NPFFR2: variants seen among roughly 807,000 people sequenced by gnomAD.
NPFFR2 encodes neuropeptide FF receptor 2, also known as G-protein coupled receptor 74.
A neutral mutation model predicts 13.1 loss-of-function variants in NPFFR2; 15 were observed. The ratio of observed to expected loss-of-function variants is 1.15; its 90% CI spans 0.77 to 1.76. NPFFR2 has a LOEUF of 1.76. Ranked by LOEUF, NPFFR2 falls within the 40% of genes most tolerant of loss-of-function variation. The pLI is 0.00. For synonymous variants in NPFFR2, 190 were observed against 175.7 expected, an observed-to-expected ratio of 1.08 and a Z score of -0.65; for missense variants, 572 against 503.5, an observed-to-expected ratio of 1.14 and a Z score of -1.30.
rs1313441277 is a variant in NPFFR2, at chr4:72,148,137, G to A, written c.*325G>A. The A allele has an allele frequency of 5.0e-6, 1 of 201,046 alleles. No individual in the cohort carries two copies. Among genetic ancestry groups the A allele is most frequent in the Non-Finnish European group, 9.9e-6 (1 of 101,016 alleles). 12.5% of individuals were successfully genotyped at this position (201,046 alleles called of 1,614,324 possible). A position where few individuals can be genotyped will look rare whatever the true frequency, so the allele number is the denominator to read the frequency against. ...AGCCTGCACGCGTGCGTGCATGTGT[G>A]TGTGTATTTTCCCCAAATGGTGATG... On this transcript the variant is annotated 3_prime_UTR_variant, in exon 4 of 4. Coordinates refer to ENST00000308744, the MANE Select transcript of NPFFR2 (RefSeq NM_004885.3).
At chr4:72,090,755 C>T (rs1720895565) in intron 1 of NPFFR2, among the ~76,000 whole-genome samples, 1 of 151,950 alleles carries the variant, frequency 6.6e-6, no homozygotes, top group Non-Finnish European at 1.5e-5. Context: ...TTTAGGTACA[C>T]GATCATATCA....
chr4:72,098,915 G>C (rs371040588), intron 1 of NPFFR2, among the ~76,000 whole-genome samples: 46 of 152,274 alleles, frequency 3.0e-4, no homozygotes, highest in African/African-American at 1.1e-3. Context: ...ATTGGTTCAA[G>C]GGGCTCAGAA....
chr4:72,138,425 A>C (rs1722489821), intron 3 of NPFFR2, among the ~76,000 whole-genome samples: 1 of 138,772 alleles, frequency 7.2e-6, no homozygotes. Context: ...CCCCCACCCA[A>C]TGCAGGCCCC....
At chr4:72,125,566 A>G (rs1334984396) in intron 1 of NPFFR2, among the ~76,000 whole-genome samples, 2 of 152,214 alleles carry the variant, frequency 1.3e-5, no homozygotes, top group East Asian at 3.8e-4. Flanking sequence ...CTAGGCTAAA[A>G]TCAAGATATT....
chr4:72,041,388 C>A (rs1242667606), intron 1 of NPFFR2, among the ~76,000 whole-genome samples: 2 of 152,134 alleles, frequency 1.3e-5, no homozygotes, highest in Admixed American at 1.3e-4. Flanking sequence ...TTTTTAAATC[C>A]AAACCACTGT....
chr4:72,147,630 G>A lies in NPFFR2; in HGVS notation c.1081G>A (p.Glu361Lys), dbSNP rs751173894. 2 of 1,614,004 alleles carry A rather than the reference G, an allele frequency of 1.2e-6. No individual in the cohort carries two copies. The highest frequency in any genetic ancestry group is 3.3e-5 in the Admixed American group (2 of 59,984). The change falls in exon 4 of 4, where the codon GAA (glutamate) becomes AAA (lysine). Residue 361 changes from glutamate (E) to lysine (K), a missense_variant. Physicochemically the swap from Glu to Lys is moderately conservative, Grantham distance 56 (BLOSUM62 1). Coordinates refer to ENST00000308744, the MANE Select transcript of NPFFR2 (RefSeq NM_004885.3). ...CTGCCAAAAAAGAGCAAAGCCTATGGAAGCTTATGCCCTAAAAGCTAAAAG... is the reference window on the plus strand; with the variant it reads ...CTGCCAAAAAAGAGCAAAGCCTATGAAAGCTTATGCCCTAAAAGCTAAAAG... ...QLCQKRAKPM[E>K]AYALKAKSHV...
chr4:72,041,238 A>G (rs1719209834), intron 1 of NPFFR2, among the ~76,000 whole-genome samples: 1 of 152,212 alleles, frequency 6.6e-6, no homozygotes. Flanking sequence ...TATAAGTGAG[A>G]ACATATGGTA....
At chr4:72,123,351 T>C (rs1009658845) in intron 1 of NPFFR2, among the ~76,000 whole-genome samples, 1 of 152,200 alleles carries the variant, frequency 6.6e-6, no homozygotes, top group African/African-American at 2.4e-5. Context: ...GAGGAGCTGG[T>C]ACCGTTACTT....
chr4:72,087,823 G>C (rs1343038078), intron 1 of NPFFR2, among the ~76,000 whole-genome samples: 1 of 151,976 alleles, frequency 6.6e-6, no homozygotes, highest in Non-Finnish European at 1.5e-5. Flanking sequence ...TTCCCTTGAA[G>C]AAAACATTTT....
chr4:72,042,419 G>A (rs1482851402), intron 1 of NPFFR2, among the ~76,000 whole-genome samples: 3 of 152,158 alleles, frequency 2.0e-5, no homozygotes, highest in Non-Finnish European at 4.4e-5. Context: ...CTGCTATAAG[G>A]ATAGCCAAAA....
At chr4:72,058,990 T>C (rs1311080484) in intron 1 of NPFFR2, among the ~76,000 whole-genome samples, 13 of 152,086 alleles carry the variant, frequency 8.5e-5, no homozygotes, top group Admixed American at 6.6e-4. Context: ...TCTTTGTTGT[T>C]GAGGATGTAC....
At chr4:72,140,883 G>A (rs566993367) in intron 3 of NPFFR2, among the ~76,000 whole-genome samples, 12 of 152,080 alleles carry the variant, frequency 7.9e-5, no homozygotes, top group South Asian at 4.2e-4. Context: ...CTGTGAATTC[G>A]TCTCGTCCTG....
chr4:72,056,798 CTG>C (rs1201593651), intron 1 of NPFFR2, among the ~76,000 whole-genome samples: 1 of 151,936 alleles, frequency 6.6e-6, no homozygotes, highest in African/African-American at 2.4e-5. Context: ...GAGGAAGTAA[CTG>C]TGGATCTGAT....
intron 1 of NPFFR2, among the ~76,000 whole-genome samples, chr4:72,075,976 T>TACACACACACAC (rs1025719017): frequency 1.2e-5 from 1 of 83,076 alleles, no homozygotes; most frequent in African/African-American, 4.7e-5. Context: ...CACACACACA[T>TACACACACACAC]ACACACACAC....
intron 2 of NPFFR2, among the ~76,000 whole-genome samples, chr4:72,132,473 C>A (rs569417034): frequency 5.5e-4 from 83 of 152,154 alleles, no homozygotes; most frequent in Non-Finnish European, 1.0e-3. Flanking sequence ...ATACATGTGT[C>A]TTTATAATAG....
In NPFFR2 at chr4:72,062,522, T is replaced by TAA. The variant is rs5859300; in HGVS notation, c.-8+30336_-8+30337dup. Among the ~76,000 whole-genome samples, 745 of 148,870 alleles carry TAA rather than the reference T, an allele frequency of 5.0e-3. 1 individual carries two copies. The highest frequency in any genetic ancestry group is 0.014 in the Middle Eastern group (4 of 290). ...AGACTAGGTATACTGTAATAGATTGTAAAAAAAAAAAAAAAGAAGTCGTGA... is the reference window on the plus strand; with the variant it reads ...AGACTAGGTATACTGTAATAGATTGTAAAAAAAAAAAAAAAAAGAAGTCGTGA... On this transcript the variant is annotated intron_variant, in intron 1 of 3. Transcript: ENST00000308744.
intron 1 of NPFFR2, among the ~76,000 whole-genome samples, chr4:72,112,513 T>G (rs1423275597): frequency 6.6e-6 from 1 of 152,014 alleles, no homozygotes; most frequent in Admixed American, 6.6e-5. Flanking sequence ...AATATTCCCT[T>G]GGTTTCCCAT....
At chr4:72,036,292 A>G (rs1719036269) in intron 1 of NPFFR2, among the ~76,000 whole-genome samples, 1 of 152,088 alleles carries the variant, frequency 6.6e-6, no homozygotes, top group Non-Finnish European at 1.5e-5. Flanking sequence ...AGGACTCCCA[A>G]GTATGTAGCA....
At chr4:72,076,272 T>G (rs904392914) in intron 1 of NPFFR2, among the ~76,000 whole-genome samples, 14 of 151,934 alleles carry the variant, frequency 9.2e-5, no homozygotes, top group African/African-American at 3.4e-4. Context: ...AAAAATAATA[T>G]GGAAATATAG....
Sources: gnomAD v4.1 joint callset for allele counts (sites outside exome capture counted in the v4.1 genomes callset) on GRCh38, gnomAD v4.1.1 for gene constraint, MANE v1.5 for transcripts, NCBI Gene and HGNC (gene_info 2026-07-23, HGNC 2026-07-21) for gene names.